SLC24A2: variants seen among roughly 807,000 people sequenced by gnomAD.
SLC24A2 encodes solute carrier family 24 member 2, also known as sodium/potassium/calcium exchanger 2.
SLC24A2 carries 36 observed loss-of-function variants against 62.0 expected under a neutral mutation model. The observed-to-expected ratio is 0.58, with a 90% confidence interval of 0.44 to 0.77. The LOEUF (loss-of-function observed/expected upper bound fraction) is 0.77, where lower values mean the gene tolerates loss of function less well. Ranked by LOEUF, SLC24A2 falls within the 30% of genes least tolerant of loss-of-function variation. The pLI, the probability that SLC24A2 is intolerant of heterozygous loss-of-function variation, is 0.00. For missense variants in SLC24A2, 846 were observed against 817.9 expected, an observed-to-expected ratio of 1.03 and a Z score of -0.42; for synonymous variants, 358 against 294.0, an observed-to-expected ratio of 1.22 and a Z score of -2.23.
At chr9:19,557,164 C>G (rs1428368943) in intron 7 of SLC24A2, among the ~76,000 whole-genome samples, 1 of 152,196 alleles carries the variant, frequency 6.6e-6, no homozygotes, top group Non-Finnish European at 1.5e-5. Flanking sequence ...TCCACACTCC[C>G]CACTTTCCTC....
the SLC24A2 span, among the ~76,000 whole-genome samples, chr9:20,237,186 A>C: frequency 2.2e-3 from 328 of 152,328 alleles, 3 homozygotes; most frequent in African/African-American, 7.4e-3. Context: ...ATCGTATTTC[A>C]TTCATTCATT....
intron 5 of SLC24A2, among the ~76,000 whole-genome samples, chr9:19,580,155 G>C (rs924946567): frequency 6.6e-6 from 1 of 152,222 alleles, no homozygotes; most frequent in Non-Finnish European, 1.5e-5. Flanking sequence ...GGCTGCTTGG[G>C]AGCTGTCTTC....
At position 19,759,953 on chromosome 9, in the gene SLC24A2, C is replaced by A. The variant is rs572699268; in HGVS notation, c.930+25984G>T. ...AGATTAATGTTTATCATCCTGCTTC[C>A]TGGCTTCTCAAGCAGTACAGATTTT... On this transcript the variant is annotated intron_variant, in intron 2 of 10. Coordinates refer to ENST00000341998, the MANE Select transcript of SLC24A2 (RefSeq NM_020344.4). Among the ~76,000 whole-genome samples the A allele has an allele frequency of 2.3e-3, 343 of 152,228 alleles. 2 individuals are homozygous for A. The highest frequency in any genetic ancestry group is 7.8e-3 in the African/African-American group (323 of 41,546).
In SLC24A2 at chr9:19,512,595, G is replaced by A. The variant is rs549830094; in HGVS notation, c.*3558C>T. ...CATGGGCATTCTCAGATGCAATTTA[G>A]GAGTTTCTATTTGGGAATTGTCAGT... On this transcript the variant is annotated 3_prime_UTR_variant, in exon 11 of 11. Coordinates refer to ENST00000341998, the MANE Select transcript of SLC24A2 (RefSeq NM_020344.4). 1 of 152,308 alleles carries A rather than the reference G, an allele frequency of 6.6e-6. No homozygotes were observed. The highest frequency in any genetic ancestry group is 1.9e-4 in the East Asian group (1 of 5,176). 9.4% of individuals were successfully genotyped at this position (152,308 alleles called of 1,614,324 possible).
intron 2 of SLC24A2, among the ~76,000 whole-genome samples, chr9:19,755,625 T>C (rs1822116989): frequency 6.6e-6 from 1 of 152,116 alleles, no homozygotes; most frequent in Non-Finnish European, 1.5e-5. Context: ...GCTGGGCAAA[T>C]GCTCCATTTT....
the SLC24A2 span, among the ~76,000 whole-genome samples, chr9:19,835,837 C>T: frequency 6.6e-6 from 1 of 152,186 alleles, no homozygotes; most frequent in South Asian, 2.1e-4. Context: ...TAAAGCACTC[C>T]TCAGCAAATG....
chr9:19,743,328 T>A (rs571079755), intron 2 of SLC24A2, among the ~76,000 whole-genome samples: 1 of 152,178 alleles, frequency 6.6e-6, no homozygotes, highest in African/African-American at 2.4e-5. Context: ...TTATAAATTA[T>A]AGAGAATTTT....
chr9:19,757,673 A>G (rs1275602350), intron 2 of SLC24A2, among the ~76,000 whole-genome samples: 2 of 152,218 alleles, frequency 1.3e-5, no homozygotes, highest in Non-Finnish European at 2.9e-5. Context: ...CTTGAAAAAG[A>G]TAAAGACATA....
rs530037151 is a variant in SLC24A2, at chr9:19,551,974, G to A, written c.1348-1706C>T. ...GCTTTGGGTATATGTCCTTGGCAGT[G>A]GGTAAAAGAATTTGTAAACAGCAAA... On this transcript the variant is annotated intron_variant, in intron 7 of 10. Coordinates refer to ENST00000341998, the MANE Select transcript of SLC24A2 (RefSeq NM_020344.4). 6.2e-4 allele frequency among the ~76,000 whole-genome samples: 95 copies of A among 152,272 alleles called. 1 individual carries two copies. Among genetic ancestry groups the A allele is most frequent in the Non-Finnish European group, 4.4e-5 (3 of 68,024 alleles).
At chr9:19,708,009 T>A (rs4436205) in intron 2 of SLC24A2, among the ~76,000 whole-genome samples, 3 of 152,068 alleles carry the variant, frequency 2.0e-5, no homozygotes, top group Non-Finnish European at 4.4e-5. Flanking sequence ...TAAAACCCCA[T>A]TGTCTCAGCC....
intron 7 of SLC24A2, among the ~76,000 whole-genome samples, chr9:19,567,939 CCT>C: frequency 6.6e-6 from 1 of 152,194 alleles, no homozygotes; most frequent in Non-Finnish European, 1.5e-5. Flanking sequence ...ATGGCAGAAA[CCT>C]CTCGGAGATG....
At chr9:19,803,999 T>C in the SLC24A2 span, among the ~76,000 whole-genome samples, 2 of 152,282 alleles carry the variant, frequency 1.3e-5, no homozygotes, top group Middle Eastern at 3.4e-3. Flanking sequence ...GAAGAAATGA[T>C]ATTGACAATA....
chr9:20,209,390 C>A, the SLC24A2 span, among the ~76,000 whole-genome samples: 32 of 152,176 alleles, frequency 2.1e-4, no homozygotes, highest in African/African-American at 7.5e-4. Flanking sequence ...ATTTCCCTTC[C>A]TTATTGCTCA....
At chr9:19,597,417 A>T (rs1009391798) in intron 4 of SLC24A2, 138 bp from the exon 5 acceptor site, 1 of 700,630 alleles carries the variant, frequency 1.4e-6, no homozygotes, top group African/African-American at 1.8e-5. Flanking sequence ...AGATGTGCAA[A>T]CATGGGCCAT....
At chr9:19,968,578 T>G in the SLC24A2 span, among the ~76,000 whole-genome samples, 1 of 152,178 alleles carries the variant, frequency 6.6e-6, no homozygotes, top group Non-Finnish European at 1.5e-5. Context: ...CAAGACCAAT[T>G]ATGAAACAAA....
At chr9:19,943,364 C>T in the SLC24A2 span, among the ~76,000 whole-genome samples, 1 of 152,276 alleles carries the variant, frequency 6.6e-6, no homozygotes, top group African/African-American at 2.4e-5. Flanking sequence ...TTTTATTCCA[C>T]TATTCTACTA....
chr9:20,162,606 G>A, the SLC24A2 span, among the ~76,000 whole-genome samples: 3 of 151,990 alleles, frequency 2.0e-5, no homozygotes, highest in Admixed American at 1.3e-4. Context: ...TAGAAAAAGA[G>A]GGAATCCTCC....
chr9:19,788,806 G>C (rs1033225495), intron 1 of SLC24A2, 79 bp downstream of exon 1: 7 of 985,312 alleles, frequency 7.1e-6, no homozygotes, highest in South Asian at 9.4e-5. Context: ...GAGCAGCAAC[G>C]GGATGCGCGC....
At chr9:19,777,631 T>A (rs1822883097) in intron 2 of SLC24A2, among the ~76,000 whole-genome samples, 1 of 152,178 alleles carries the variant, frequency 6.6e-6, no homozygotes, top group South Asian at 2.1e-4. Flanking sequence ...TAAAATTGTA[T>A]ATATTCAATA....
Sources: gnomAD v4.1 joint callset for allele counts (sites outside exome capture counted in the v4.1 genomes callset) on GRCh38, gnomAD v4.1.1 for gene constraint, MANE v1.5 for transcripts, NCBI Gene and HGNC (gene_info 2026-07-23, HGNC 2026-07-21) for gene names.